The following SLU7 variants were observed in gnomAD, a reference collection of about 807,000 sequenced individuals.
SLU7 encodes spliceosome associated SLU7, also known as pre-mRNA-splicing factor SLU7.
In SLU7, 60 loss-of-function variants were observed where a neutral mutation model predicts 87.0. That is an observed-to-expected ratio of 0.69 (90% CI 0.56 to 0.86). The LOEUF (loss-of-function observed/expected upper bound fraction) is 0.86. Ranked by LOEUF, SLU7 falls within the 40% of genes least tolerant of loss-of-function variation. The pLI is 0.00. For missense variants in SLU7, 507 were observed against 686.6 expected, an observed-to-expected ratio of 0.74 and a Z score of 2.92; for synonymous variants, 197 against 222.0, an observed-to-expected ratio of 0.89 and a Z score of 1.00.
chr5:160,417,617 G>A (rs994229731), intron 1 of SLU7, among the ~76,000 whole-genome samples: 13 of 152,046 alleles, frequency 8.6e-5, no homozygotes, highest in Admixed American at 6.5e-4. Flanking sequence ...GCGAAACCCC[G>A]TCGCTACTAA....
chr5:160,413,853 G>A (rs776600449), intron 4 of SLU7, 46 bp downstream of exon 4: 54 of 1,330,882 alleles, frequency 4.1e-5, no homozygotes, highest in Non-Finnish European at 5.4e-5. Context: ...AAAGAAAAAA[G>A]AAAGACTCTG....
At chr5:160,408,260 G>A in intron 8 of SLU7, 69 bp downstream of exon 8, 1 of 1,500,968 alleles carries the variant, frequency 6.7e-7, no homozygotes, top group South Asian at 1.2e-5. Flanking sequence ...ATGCTACCCA[G>A]AGTCGATAAA....
chr5:160,411,589 C>T (rs1334371995), intron 6 of SLU7, among the ~76,000 whole-genome samples: 1 of 152,080 alleles, frequency 6.6e-6, no homozygotes, highest in South Asian at 2.1e-4. Context: ...CTTAGTAACT[C>T]GGTAACTGCT....
intron 1 of SLU7, among the ~76,000 whole-genome samples, chr5:160,418,352 A>G (rs545472344): frequency 2.0e-5 from 3 of 152,212 alleles, no homozygotes; most frequent in Admixed American, 6.5e-5. Flanking sequence ...GTAAGAAATA[A>G]GGACTTCAAA....
chr5:160,412,820 A>G (rs147309172), intron 5 of SLU7, among the ~76,000 whole-genome samples: 387 of 152,210 alleles, frequency 2.5e-3, no homozygotes, highest in African/African-American at 8.9e-3. Flanking sequence ...CAGTTGCCAC[A>G]GAACTCTAGA....
rs1174259073 is a variant in SLU7, at chr5:160,404,658, G to A, written c.1465-102C>T. ...CAAGAATCACTTGAACCCAGGAGGC[G>A]GAAGTTGCAGTGGGCCCAGACCGTG... is the stretch of plus-strand genomic sequence containing the variant. On this transcript the variant is annotated intron_variant, in intron 14 of 15. Transcript: ENST00000297151. 3 of 895,766 alleles carry A rather than the reference G, an allele frequency of 3.3e-6. No homozygotes were observed. The East Asian group carries it at 7.6e-5, about 23-fold the overall frequency. 55.5% of individuals were successfully genotyped at this position (895,766 alleles called of 1,614,324 possible).
chr5:160,404,544 T>C lies in SLU7; in HGVS notation c.1477A>G (p.Lys493Glu). 2 of 1,598,928 alleles carry C rather than the reference T, an allele frequency of 1.3e-6. No homozygotes were observed. Among genetic ancestry groups the C allele is most frequent in the South Asian group, 1.1e-5 (1 of 90,586 alleles). ...PQTLMELHQEKLKEEKKKKKK... is the reference protein window; with the variant it reads ...PQTLMELHQEELKEEKKKKKK... ...TTCTTCTTCTTTTCCTCTTTCAGTT[T>C]TTCTTGATGCAGCTGAAAGGGAGGA... is the stretch of plus-strand genomic sequence containing the variant. The change falls in exon 15 of 16, where the codon AAA becomes GAA. Residue 493 changes from lysine to glutamate, a missense_variant. By Grantham distance (56) the Lys-to-Glu change is moderately conservative. This residue lies in a region of SLU7 where 201 missense variants were observed against 213.4 expected (regional missense o/e 0.94). Transcript: ENST00000297151.
Position 160,403,404 on chromosome 5 carries a change from T to C in SLU7, c.1642A>G (p.Arg548Gly), listed in dbSNP as rs1215405887. ...HVKETMQIDE[R>G]KRPYNSMYET... is the part of the protein sequence containing the mutation. ...TACATGCTATTGTAAGGCCGCTTCC[T>C]CTCATCAATCTGCATGGTCTCCTTG... Residue 548 changes from arginine (R) to glycine (G), a missense_variant, in exon 16 of 16, where the codon AGG becomes GGG. By Grantham distance (125) the Arg-to-Gly change is moderately radical. Transcript: ENST00000297151. 6.2e-7 allele frequency: 1 copy of C among 1,613,372 alleles called. No individual in the cohort carries two copies. Among genetic ancestry groups the C allele is most frequent in the South Asian group, 1.1e-5 (1 of 90,828 alleles).
At chr5:160,417,330 T>C (rs2113176338) in intron 1 of SLU7, 1 of 152,224 alleles carries the variant, frequency 6.6e-6, no homozygotes, top group East Asian at 1.9e-4. Flanking sequence ...GTAAAATTAC[T>C]TTTACAAGAT....
intron 1 of SLU7, 21 bp from the exon 2 acceptor site, chr5:160,415,331 T>TA: frequency 1.3e-6 from 2 of 1,525,614 alleles, no homozygotes; most frequent in Non-Finnish European, 1.8e-6. Context: ...AAGTGAAACT[T>TA]ACAGTAAAAA....
At chr5:160,413,644 C>T (rs1056240372) in intron 4 of SLU7, 24 bp from the exon 5 acceptor site, 2 of 1,591,502 alleles carry the variant, frequency 1.3e-6, no homozygotes, top group African/African-American at 2.7e-5. Context: ...AAGATTTAAT[C>T]TTTTCCTAAG....
chr5:160,407,693 C>T lies in SLU7; in HGVS notation c.985+53G>A, dbSNP rs755108599. ...TCTTGAAAACAAGCTTTAAACAATC[C>T]CAAACGTCTTATGAGCTGATATAAA... On this transcript the variant is annotated intron_variant, in intron 10 of 15. Coordinates refer to ENST00000297151, the MANE Select transcript of SLU7 (RefSeq NM_006425.5). This position sits in a 1 kb window ranked among gnomAD's most constrained non-coding sequence, Gnocchi z 4.2. 2.4e-5 allele frequency: 38 copies of T among 1,601,960 alleles called. No individual in the cohort carries two copies. Among genetic ancestry groups the T allele is most frequent in the Non-Finnish European group, 3.1e-5 (36 of 1,174,390 alleles).
At chr5:160,417,208 T>A (rs1393280695) in intron 1 of SLU7, 1 of 152,194 alleles carries the variant, frequency 6.6e-6, no homozygotes, top group Non-Finnish European at 1.5e-5. Context: ...AATCCTCCAA[T>A]GCAGTACCGT....
At position 160,413,886 on chromosome 5, in the gene SLU7, A is replaced by G; in HGVS notation, c.405+13T>C. ...CTGACAACGGTTTTCAAAATTTTCA[A>G]AGGTGAACTTACCTCAAAGCAGTCT... is the stretch of plus-strand genomic sequence containing the variant. On this transcript the variant is annotated intron_variant, in intron 4 of 15. Coordinates refer to ENST00000297151, the MANE Select transcript of SLU7 (RefSeq NM_006425.5). The G allele has an allele frequency of 6.4e-7, 1 of 1,565,196 alleles. No homozygotes were observed. Among genetic ancestry groups the G allele is most frequent in the Non-Finnish European group, 8.6e-7 (1 of 1,157,954 alleles).
chr5:160,405,158 G>C, intron 12 of SLU7, 23 bp from the exon 13 acceptor site: 1 of 1,535,198 alleles, frequency 6.5e-7, no homozygotes, highest in South Asian at 1.1e-5. Context: ...AAATTAAAAA[G>C]CTTAAAAAGG....
intron 6 of SLU7, among the ~76,000 whole-genome samples, chr5:160,410,282 T>C (rs939559694): frequency 1.3e-5 from 2 of 152,196 alleles, no homozygotes; most frequent in Admixed American, 6.5e-5. Context: ...CTTTCAAAAT[T>C]AGAAATATAA....
At chr5:160,418,314 T>C (rs1765540556) in intron 1 of SLU7, among the ~76,000 whole-genome samples, 1 of 152,072 alleles carries the variant, frequency 6.6e-6, no homozygotes, top group Non-Finnish European at 1.5e-5. Context: ...TTCTGAGAGG[T>C]AAGATCCTCA....
chr5:160,408,447 T>C lies in SLU7; in HGVS notation c.701A>G (p.Asn234Ser). The C allele has an allele frequency of 1.3e-6, 2 of 1,596,554 alleles. No homozygotes were observed. The highest frequency in any genetic ancestry group is 1.7e-6 in the Non-Finnish European group (2 of 1,171,096). The change falls in exon 8 of 16, where the codon AAT becomes AGT. Residue 234 changes from asparagine to serine, a missense_variant. By Grantham distance (46) the Asn-to-Ser change is conservative (BLOSUM62 1). Coordinates refer to ENST00000297151, the MANE Select transcript of SLU7 (RefSeq NM_006425.5). ...TTTATCTTCATCCTCATCTTCACTA[T>C]TATGATCTTTTTCCTAAAAGAGGGA... ...EPNSQMEKDH[N>S]SEDEDEDKYA...
chr5:160,414,548 CT>C, intron 2 of SLU7, 76 bp from the exon 3 acceptor site: 1 of 965,150 alleles, frequency 1.0e-6, no homozygotes, highest in Non-Finnish European at 1.5e-6. Context: ...ACAAAGGTAG[CT>C]TATACAAAAT....
Sources: gnomAD v4.1 joint callset for allele counts (sites outside exome capture counted in the v4.1 genomes callset) on GRCh38, gnomAD v4.1.1 for gene constraint, gnomAD v4.1.1 regional missense constraint, Gnocchi (gnomAD v3.1) non-coding constraint, MANE v1.5 for transcripts, NCBI Gene and HGNC (gene_info 2026-07-23, HGNC 2026-07-21) for gene names.